The following OAS2 variants were observed in gnomAD, a reference collection of about 807,000 sequenced individuals.
OAS2 encodes 2'-5'-oligoadenylate synthase 2.
OAS2 carries 67 observed loss-of-function variants against 71.3 expected under a neutral mutation model. That is an observed-to-expected ratio of 0.94 (90% CI 0.77 to 1.15). OAS2 has a LOEUF of 1.15. Ranked by LOEUF, OAS2 falls within the 50% of genes most tolerant of loss-of-function variation. OAS2 has a pLI of 0.00. For missense variants in OAS2, 789 were observed against 822.5 expected, an observed-to-expected ratio of 0.96 and a Z score of 0.50; for synonymous variants, 327 against 321.8, an observed-to-expected ratio of 1.02 and a Z score of -0.17.
chr12:112,978,810 C>T lies in OAS2; in HGVS notation c.177+25C>T. ...AGTGAGTCCAGGGCTGAGGTTGGGT[C>T]TCTGGGAGGCAGGAGATTCCACGGC... On this transcript the variant is annotated intron_variant, in intron 1 of 9. Coordinates refer to ENST00000392583, the MANE Select transcript of OAS2 (RefSeq NM_002535.3). This position sits in a 1 kb window ranked among gnomAD's most constrained non-coding sequence, Gnocchi z 4.2. The T allele has an allele frequency of 6.3e-7, 1 of 1,584,086 alleles. No homozygotes were observed. The highest frequency in any genetic ancestry group is 8.6e-7 in the Non-Finnish European group (1 of 1,162,514).
intron 2 of OAS2, chr12:112,987,964 T>TGAA: frequency 1.0e-6 from 1 of 985,442 alleles, no homozygotes; most frequent in Non-Finnish European, 1.2e-6. Flanking sequence ...ACCAGGCTTC[T>TGAA]GGTTTAATAA....
At position 113,010,595 on chromosome 12, in the gene OAS2, C is replaced by G; in HGVS notation, c.*1340C>G. On this transcript the variant is annotated 3_prime_UTR_variant, in exon 10 of 10. Coordinates refer to ENST00000392583, the MANE Select transcript of OAS2 (RefSeq NM_002535.3). ...CCTCCTTCCCTTGCTTCTTGGACTT[C>G]TTGAAATCAATCAAGACTGCAAACC... The G allele has an allele frequency of 6.7e-7, 1 of 1,481,872 alleles. No homozygotes were observed. The highest frequency in any genetic ancestry group is 8.9e-7 in the Non-Finnish European group (1 of 1,118,950). 91.8% of individuals were successfully genotyped at this position (1,481,872 alleles called of 1,614,324 possible).
intron 2 of OAS2, among the ~76,000 whole-genome samples, chr12:112,993,572 C>T (rs528208859): frequency 1.9e-4 from 29 of 152,242 alleles, no homozygotes; most frequent in Admixed American, 9.8e-4. Context: ...CTGCTTTCTC[C>T]TGGTTTCTTA....
chr12:113,009,179 G>C lies in OAS2; in HGVS notation c.1988G>C (p.Trp663Ser), dbSNP rs546421088. Residue 663 changes from tryptophan (W) to serine (S), a missense_variant, in exon 10 of 10, where the codon TGG (tryptophan) becomes TCG (serine). Coordinates refer to ENST00000392583, the MANE Select transcript of OAS2 (RefSeq NM_002535.3). The stretch of plus-strand genomic sequence containing the variant: ...CTTCTGGCAAAAGAAGCAAAGGAAT[G>C]GTTATCCTCTCCCTGCTTCAAGGAT... ...WHLLAKEAKE[W>S]LSSPCFKDGT... 3 of 1,614,012 alleles carry C rather than the reference G, an allele frequency of 1.9e-6. No homozygotes were observed. In the African/African-American group the frequency reaches 4.0e-5, roughly 22 times the overall value.
intron 5 of OAS2, among the ~76,000 whole-genome samples, chr12:113,000,657 T>C (rs1175668137): frequency 1.3e-5 from 2 of 149,146 alleles, no homozygotes; most frequent in Admixed American, 6.7e-5. Flanking sequence ...TGCACACACA[T>C]GCACTCACAC....
intron 1 of OAS2, among the ~76,000 whole-genome samples, chr12:112,984,944 GGTTTTTTTT>G (rs1337658539): frequency 7.3e-6 from 1 of 137,724 alleles, no homozygotes; most frequent in African/African-American, 2.7e-5. Context: ...TGTCTGAAAG[GGTTTTTTTT>G]TAGCACTTTG....
chr12:112,995,843 G>A (rs2044228712), intron 3 of OAS2, among the ~76,000 whole-genome samples: 1 of 152,156 alleles, frequency 6.6e-6, no homozygotes, highest in Non-Finnish European at 1.5e-5. Context: ...TTGCTCTGCT[G>A]CCCAGGCTGG....
Position 112,995,307 on chromosome 12 carries a change from A to C in OAS2, c.460A>C (p.Asn154His). 6.2e-7 allele frequency: 1 copy of C among 1,605,022 alleles called. No individual in the cohort carries two copies. Among genetic ancestry groups the C allele is most frequent in the Non-Finnish European group, 8.5e-7 (1 of 1,177,214 alleles). Reference sequence around the variant, plus strand: ...CTGTTTCACATCAGGCTTAAATGATAATCCCAGCCCCTGGATCTATCGAGA... The same window carrying C: ...CTGTTTCACATCAGGCTTAAATGATCATCCCAGCCCCTGGATCTATCGAGA... ...AAFNALSLND[N>H]PSPWIYRELK... Residue 154 changes from asparagine (N) to histidine (H), a missense_variant, in exon 3 of 10, where the codon AAT becomes CAT. Physicochemically the swap from Asn to His is moderately conservative, Grantham distance 68 (BLOSUM62 1). Coordinates refer to ENST00000392583, the MANE Select transcript of OAS2 (RefSeq NM_002535.3).
intron 1 of OAS2, among the ~76,000 whole-genome samples, chr12:112,981,595 A>G (rs763888038): frequency 5.9e-5 from 9 of 152,060 alleles, no homozygotes; most frequent in Non-Finnish European, 8.8e-5. Flanking sequence ...TACCAATCCC[A>G]TGCTGCTTTG....
chr12:112,987,680 G>T, intron 2 of OAS2: 4 of 1,112,946 alleles, frequency 3.6e-6, no homozygotes, highest in Non-Finnish European at 4.4e-6. Flanking sequence ...CTGCTGGTCC[G>T]CAGATCATGC....
rs929291 is a variant in OAS2, at chr12:113,006,613, T to C, written c.1656+13T>C. On this transcript the variant is annotated intron_variant, in intron 8 of 9. Coordinates refer to ENST00000392583, the MANE Select transcript of OAS2 (RefSeq NM_002535.3). ...CTGGTACAAAGAGGTAAGGACAGTC[T>C]TTGTTCTGACCATGGGGTTATTATT... 1,108,108 of 1,570,586 alleles carry C rather than the reference T, an allele frequency of 0.71. 393,559 individuals carry two copies. Among genetic ancestry groups the C allele is most frequent in the East Asian group, 0.91 (40,459 of 44,218 alleles).
rs758633894 is a variant in OAS2 at position 113,005,215 on chromosome 12, T to A, written c.1461T>A (p.Asn487Lys). 8 of 1,613,294 alleles carry A rather than the reference T, an allele frequency of 5.0e-6. No homozygotes were observed. Among genetic ancestry groups the A allele is most frequent in the Non-Finnish European group, 8.5e-7 (1 of 1,179,566 alleles). The change falls in exon 7 of 10, where the codon AAT becomes AAA. Residue 487 changes from asparagine to lysine, a missense_variant. Asn to Lys is a moderately conservative substitution (Grantham distance 94). Coordinates refer to ENST00000392583, the MANE Select transcript of OAS2 (RefSeq NM_002535.3). ...GCTTTGATGTGCTTCCTGCCTTTAATGCACTGGGTAAGGCTCCCCAGACCT... is the reference window on the plus strand; with the variant it reads ...GCTTTGATGTGCTTCCTGCCTTTAAAGCACTGGGTAAGGCTCCCCAGACCT... ...SVSFDVLPAF[N>K]ALGQLSSGST...
chr12:112,981,853 T>C (rs2044086288), intron 1 of OAS2, among the ~76,000 whole-genome samples: 1 of 152,228 alleles, frequency 6.6e-6, no homozygotes, highest in African/African-American at 2.4e-5. Context: ...GAGCATGGGA[T>C]GTCTTTCCAT....
chr12:113,003,337 C>T (rs2044305847), intron 6 of OAS2, among the ~76,000 whole-genome samples: 1 of 152,130 alleles, frequency 6.6e-6, no homozygotes, highest in African/African-American at 2.4e-5. Context: ...GAGCTGTTGG[C>T]CGTCCTTGGG....
chr12:112,997,444 GT>G, intron 3 of OAS2, 75 bp from the exon 4 acceptor site: 1 of 1,264,436 alleles, frequency 7.9e-7, no homozygotes. Flanking sequence ...TAGACCTCTG[GT>G]TTCTTGATTT....
At chr12:112,984,512 A>G (rs2044114486) in intron 1 of OAS2, among the ~76,000 whole-genome samples, 1 of 152,084 alleles carries the variant, frequency 6.6e-6, no homozygotes, top group Non-Finnish European at 1.5e-5. Flanking sequence ...CTTATTTTTT[A>G]TCCATTCAGC....
At chr12:112,987,388 T>A (rs1299687574) in intron 2 of OAS2, 80 bp downstream of exon 2, 1 of 1,568,990 alleles carries the variant, frequency 6.4e-7, no homozygotes, top group African/African-American at 1.4e-5. Context: ...AGGCCATGAG[T>A]GGGATAGATA....
chr12:113,010,058 C>T lies in OAS2; in HGVS notation c.*803C>T. 1.9e-6 allele frequency: 2 copies of T among 1,026,246 alleles called. No individual in the cohort carries two copies. The highest frequency in any genetic ancestry group is 1.7e-5 in the African/African-American group (1 of 58,456). The allele number at this position is 1,026,246 out of a possible 1,614,324, so 63.6% of individuals were successfully genotyped here. A position where few individuals can be genotyped will look rare whatever the true frequency, so the allele number is the denominator to read the frequency against. On this transcript the variant is annotated 3_prime_UTR_variant, in exon 10 of 10. Coordinates refer to ENST00000392583, the MANE Select transcript of OAS2 (RefSeq NM_002535.3). ...TTGAGCAGCATCTCTGGCCTGTACCCAGTAGATGCCACCCAGTTGTGACAA... is the reference window on the plus strand; with the variant it reads ...TTGAGCAGCATCTCTGGCCTGTACCTAGTAGATGCCACCCAGTTGTGACAA...
At position 112,978,666 on chromosome 12, in the gene OAS2, A is replaced by T. The variant is rs2044050635; in HGVS notation, c.58A>T (p.Ile20Phe). ...SVPAQKLGWF[I>F]QEYLKPYEEC... ...GCCTGCTCAGAAGCTGGGTTGGTTT[A>T]TCCAGGAATACCTGAAGCCCTACGA... is the stretch of plus-strand genomic sequence containing the variant. The change falls in exon 1 of 10, where the codon ATC (isoleucine) becomes TTC (phenylalanine). Residue 20 changes from isoleucine to phenylalanine, a missense_variant. By Grantham distance (21) the Ile-to-Phe change is conservative (BLOSUM62 0). Transcript: ENST00000392583. The surrounding 1 kb of genome is among the most constrained non-coding windows in gnomAD (Gnocchi z 4.2). 1 of 1,614,146 alleles carries T rather than the reference A, an allele frequency of 6.2e-7. No individual in the cohort carries two copies. The highest frequency in any genetic ancestry group is 8.5e-7 in the Non-Finnish European group (1 of 1,180,026).
Sources: allele counts gnomAD v4.1 joint callset (sites outside exome capture counted in the v4.1 genomes callset), GRCh38; gene constraint gnomAD v4.1.1; non-coding constraint Gnocchi (gnomAD v3.1); transcripts MANE v1.5; gene names NCBI Gene and HGNC (gene_info 2026-07-23, HGNC 2026-07-21).